The following SLC35F4 variants were observed in gnomAD, a reference collection of about 807,000 sequenced individuals.
SLC35F4 encodes solute carrier family 35 member F4.
Under a neutral mutation model 44.2 loss-of-function variants are expected in SLC35F4, and 24 were observed. The observed-to-expected ratio is 0.54, with a 90% CI of 0.39 to 0.76. The LOEUF (loss-of-function observed/expected upper bound fraction) is 0.76. Among genes scored for constraint, SLC35F4 ranks in the 30% least tolerant of loss-of-function variants. The pLI is 0.00. For synonymous variants in SLC35F4, 238 were observed against 223.6 expected (o/e 1.06, Z -0.57); for missense variants, 562 against 586.1 (o/e 0.96, Z 0.42).
chr14:57,692,762 T>C (rs1035811984), intron 1 of SLC35F4, among the ~76,000 whole-genome samples: 6 of 152,134 alleles, frequency 3.9e-5, no homozygotes, highest in African/African-American at 1.2e-4. Context: ...GGAGATACAA[T>C]TTAACTGAAA....
At chr14:57,675,395 G>C (rs2074658765) in intron 1 of SLC35F4, among the ~76,000 whole-genome samples, 1 of 152,004 alleles carries the variant, frequency 6.6e-6, no homozygotes, top group Non-Finnish European at 1.5e-5. Context: ...GATTGAAAAA[G>C]GGATGAGCAT....
chr14:57,579,948 G>A (rs1215636300), intron 4 of SLC35F4, among the ~76,000 whole-genome samples: 1 of 152,132 alleles, frequency 6.6e-6, no homozygotes, highest in Non-Finnish European at 1.5e-5. Flanking sequence ...AGCTCTCAAG[G>A]ACTTGTCAGG....
At chr14:57,958,404 A>G (rs1335067415) in intron 1 of SLC35F4, among the ~76,000 whole-genome samples, 1 of 152,206 alleles carries the variant, frequency 6.6e-6, no homozygotes, top group Non-Finnish European at 1.5e-5. Flanking sequence ...GGAGCCAGTC[A>G]CAAAAGGTAT....
intron 1 of SLC35F4, among the ~76,000 whole-genome samples, chr14:57,696,254 A>G (rs2075381000): frequency 6.6e-6 from 1 of 151,954 alleles, no homozygotes; most frequent in Admixed American, 6.6e-5. Context: ...AAACTCATCA[A>G]ACAGTTTGAG....
chr14:57,791,063 C>T (rs1659468585), intron 1 of SLC35F4, among the ~76,000 whole-genome samples: 1 of 152,190 alleles, frequency 6.6e-6, no homozygotes, highest in Admixed American at 6.5e-5. Flanking sequence ...CCATTCAGGA[C>T]ATAGTCATGG....
intron 1 of SLC35F4, among the ~76,000 whole-genome samples, chr14:57,678,703 A>AG (rs1402545535): frequency 3.9e-5 from 6 of 151,982 alleles, no homozygotes; most frequent in Non-Finnish European, 7.4e-5. Context: ...AAGAAAAAAA[A>AG]AAAGAAAGCA....
intron 1 of SLC35F4, among the ~76,000 whole-genome samples, chr14:57,732,694 TCAGA>T (rs1421384477): frequency 6.6e-6 from 1 of 152,076 alleles, no homozygotes; most frequent in Admixed American, 6.6e-5. Flanking sequence ...TGAGGAAAAC[TCAGA>T]CAGAGCTAAA....
intron 1 of SLC35F4, among the ~76,000 whole-genome samples, chr14:57,732,616 A>C (rs1251041201): frequency 4.6e-5 from 7 of 152,146 alleles, no homozygotes. Context: ...TGGCACTACA[A>C]ATAGAGTTAA....
At chr14:57,643,365 T>C (rs1165218251) in intron 1 of SLC35F4, among the ~76,000 whole-genome samples, 23 of 152,050 alleles carry the variant, frequency 1.5e-4, no homozygotes, top group Non-Finnish European at 1.5e-5. Flanking sequence ...AATAGTGCAA[T>C]GCTAAAATAA....
rs147451644 is a variant in SLC35F4 at position 57,809,686 on chromosome 14, G to T, written c.103+56037C>A. On this transcript the variant is annotated intron_variant, in intron 1 of 7. Transcript: ENST00000556826. ...GCTTAACTCTTGATATTTAAAAATT[G>T]TTCATCTGTGATTCCCTTAAAATGA... Among the ~76,000 whole-genome samples, 668 of 152,258 alleles carry T rather than the reference G, an allele frequency of 4.4e-3. 6 individuals carry two copies. The highest frequency in any genetic ancestry group is 0.015 in the African/African-American group (616 of 41,562).
intron 1 of SLC35F4, among the ~76,000 whole-genome samples, chr14:57,646,414 G>T (rs575729533): frequency 1.3e-5 from 2 of 152,284 alleles, no homozygotes; most frequent in South Asian, 4.1e-4. Context: ...TTTGCGTAGA[G>T]GTATCTATAG....
Position 57,583,659 on chromosome 14 carries a change from G to A in SLC35F4, c.588-2226C>T, listed in dbSNP as rs368511412. Among the ~76,000 whole-genome samples the A allele has an allele frequency of 9.2e-5, 14 of 152,146 alleles. No individual in the cohort carries two copies. The East Asian group carries it at 2.7e-3, about 29-fold the overall frequency. ...CTCACCTGGCTCAACCTGTCTTCCA[G>A]GTGTTCATTCCCTCGTTCTTCCCCT... On this transcript the variant is annotated intron_variant, in intron 3 of 7. Transcript: ENST00000556826.
chr14:57,710,527 G>A (rs2140399998), intron 1 of SLC35F4, among the ~76,000 whole-genome samples: 1 of 152,162 alleles, frequency 6.6e-6, no homozygotes, highest in African/African-American at 2.4e-5. Flanking sequence ...TAGATCCACT[G>A]ACAACTTGCA....
At chr14:57,729,306 GAA>G (rs2076289403) in intron 1 of SLC35F4, among the ~76,000 whole-genome samples, 3 of 152,044 alleles carry the variant, frequency 2.0e-5, no homozygotes, top group African/African-American at 7.2e-5. Flanking sequence ...CAAACAGAAG[GAA>G]AGAGTCTTTT....
intron 1 of SLC35F4, among the ~76,000 whole-genome samples, chr14:57,601,699 T>G (rs1317078973): frequency 6.6e-6 from 1 of 152,182 alleles, no homozygotes; most frequent in Non-Finnish European, 1.5e-5. Context: ...AGAATACAAT[T>G]TATCTTCTCT....
intron 2 of SLC35F4, 83 bp downstream of exon 2, chr14:57,593,856 T>G: frequency 6.9e-7 from 1 of 1,457,654 alleles, no homozygotes; most frequent in Non-Finnish European, 9.4e-7. Context: ...GTAACATCTC[T>G]GCATTCTGTG....
At chr14:57,659,471 A>G (rs1239597717) in intron 1 of SLC35F4, among the ~76,000 whole-genome samples, 1 of 152,146 alleles carries the variant, frequency 6.6e-6, no homozygotes, top group Non-Finnish European at 1.5e-5. Flanking sequence ...TTAAATAGAA[A>G]TAGAAATTAA....
chr14:57,886,164 C>T (rs1451981679), intron 1 of SLC35F4, among the ~76,000 whole-genome samples: 1 of 152,174 alleles, frequency 6.6e-6, no homozygotes, highest in East Asian at 1.9e-4. Context: ...GTATTAGGTG[C>T]TTGTATTCAT....
At chr14:57,717,985 GCCA>G (rs1369055191) in intron 1 of SLC35F4, among the ~76,000 whole-genome samples, 1 of 151,994 alleles carries the variant, frequency 6.6e-6, no homozygotes, top group Non-Finnish European at 1.5e-5. Context: ...CTTTTTTGTA[GCCA>G]TTAACCATCC....
Sources: allele counts gnomAD v4.1 joint callset (sites outside exome capture counted in the v4.1 genomes callset), GRCh38; gene constraint gnomAD v4.1.1; transcripts MANE v1.5; gene names NCBI Gene and HGNC (gene_info 2026-07-23, HGNC 2026-07-21).